TRMU: variants seen among roughly 807,000 people sequenced by gnomAD.
TRMU encodes the protein tRNA mitochondrial 2-thiouridylase.
Under a neutral mutation model 46.9 loss-of-function variants are expected in TRMU, and 49 were observed. The observed-to-expected ratio is 1.05, with a 90% CI of 0.83 to 1.33. The LOEUF (loss-of-function observed/expected upper bound fraction) is 1.33, where lower values mean the gene tolerates loss of function less well. Ranked by LOEUF, TRMU falls within the 40% of genes most tolerant of loss-of-function variation. TRMU has a pLI of 0.00. For missense variants in TRMU, 572 were observed against 532.4 expected (o/e 1.07, Z -0.73); for synonymous variants, 241 against 200.9 (o/e 1.20, Z -1.69).
chr22:46,352,464 C>G, intron 7 of TRMU, 134 bp downstream of exon 7: 2 of 1,081,100 alleles, frequency 1.8e-6, no homozygotes, highest in Middle Eastern at 2.5e-4. Flanking sequence ...GTGGGGCGGC[C>G]GGGGGCGGGC....
chr22:46,338,121 G>A lies in TRMU; in HGVS notation c.248+177G>A, dbSNP rs111840598. On this transcript the variant is annotated intron_variant, in intron 2 of 10. Coordinates refer to ENST00000645190, the MANE Select transcript of TRMU (RefSeq NM_018006.5). The surrounding 1 kb of genome is among the most constrained non-coding windows in gnomAD (Gnocchi z 4.5). ...CTCGGGGCTCTGTGTTAGAGGCGAG[G>A]CCTGGACCCCACAGCACACCCAGCT... The A allele has an allele frequency of 2.3e-5, 18 of 783,430 alleles. No homozygotes were observed. Among genetic ancestry groups the A allele is most frequent in the African/African-American group, 1.9e-4 (11 of 58,746 alleles). 48.5% of individuals were successfully genotyped at this position (783,430 alleles called of 1,614,324 possible).
chr22:46,343,220 A>C, intron 2 of TRMU, 42 bp from the exon 3 acceptor site: 10 of 1,347,802 alleles, frequency 7.4e-6, no homozygotes, highest in Non-Finnish European at 1.0e-5. Context: ...TTTTTGAGGA[A>C]TGTTTCACAC....
chr22:46,356,426 G>A, intron 10 of TRMU: 1 of 428,286 alleles, frequency 2.3e-6, no homozygotes, highest in Non-Finnish European at 4.3e-6. Flanking sequence ...GAGCTCCCAG[G>A]GTGGGCGCCT....
intron 1 of TRMU, 58 bp downstream of exon 1, chr22:46,335,904 C>G (rs1008443151): frequency 2.0e-6 from 3 of 1,527,050 alleles, no homozygotes; most frequent in African/African-American, 1.4e-5. Flanking sequence ...GAAACCTGTC[C>G]CCGTCCGTCG....
At position 46,349,531 on chromosome 22, in the gene TRMU, T is replaced by A. The variant is rs149549578; in HGVS notation, c.479-760T>A. Among the ~76,000 whole-genome samples the A allele has an allele frequency of 6.6e-6, 1 of 152,362 alleles. No individual in the cohort carries two copies. Among genetic ancestry groups the A allele is most frequent in the African/African-American group, 2.4e-5 (1 of 41,588 alleles). On this transcript the variant is annotated intron_variant, in intron 4 of 10. Transcript: ENST00000645190. The surrounding 1 kb of genome is among the most constrained non-coding windows in gnomAD (Gnocchi z 4.6). ...TGAGTGTAACTCGAAAGGAGAAGTTTATGAGAAAGATTGAAAGAAGCCAGA... is the reference window on the plus strand; with the variant it reads ...TGAGTGTAACTCGAAAGGAGAAGTTAATGAGAAAGATTGAAAGAAGCCAGA...
rs1413152638 is a variant in TRMU, at chr22:46,336,188, C to G, written c.82+342C>G. The G allele has an allele frequency of 8.6e-7, 1 of 1,166,666 alleles. No homozygotes were observed. The highest frequency in any genetic ancestry group is 1.1e-6 in the Non-Finnish European group (1 of 934,486). The allele number at this position is 1,166,666 out of a possible 1,614,324, so 72.3% of individuals were successfully genotyped here. A position where few individuals can be genotyped will look rare whatever the true frequency, so the allele number is the denominator to read the frequency against. On this transcript the variant is annotated intron_variant, in intron 1 of 10. Transcript: ENST00000645190. The surrounding 1 kb of genome is among the most constrained non-coding windows in gnomAD (Gnocchi z 4.1). ...CGGCGTCCACATTCACCTGTGAGAC[C>G]GTGGACACTGGTGAGGGGAGCTGGG...
At chr22:46,354,832 G>T (rs1489218326) in intron 8 of TRMU, 1 of 156,902 alleles carries the variant, frequency 6.4e-6, no homozygotes, top group Non-Finnish European at 1.4e-5. Flanking sequence ...CAGGGGCGGG[G>T]CTTGGCACAA....
intron 3 of TRMU, among the ~76,000 whole-genome samples, chr22:46,343,588 C>T (rs956729836): frequency 7.9e-5 from 12 of 152,122 alleles, no homozygotes; most frequent in African/African-American, 2.9e-4. Flanking sequence ...ATTGTCCAGG[C>T]TGGTCTCAGA....
chr22:46,350,415 G>T lies in TRMU; in HGVS notation c.603G>T (p.Lys201Asn). 6.2e-7 allele frequency: 1 copy of T among 1,614,128 alleles called. No individual in the cohort carries two copies. The highest frequency in any genetic ancestry group is 8.5e-7 in the Non-Finnish European group (1 of 1,180,042). Residue 201 changes from lysine to asparagine, a missense_variant, in exon 5 of 11, where the codon AAG becomes AAT. Lys to Asn is a moderately conservative substitution (Grantham distance 94). Coordinates refer to ENST00000645190, the MANE Select transcript of TRMU (RefSeq NM_018006.5). The surrounding 1 kb of genome is among the most constrained non-coding windows in gnomAD (Gnocchi z 4.6). The part of the protein sequence containing the change: ...PLGGLTKEFV[K>N]KIAAENRLHH... ...GGGGATTAACGAAAGAGTTTGTAAA[G>T]AAAATCGCTGCTGAGAATAGACTTC...
In TRMU at chr22:46,347,790, C is replaced by G. The variant is rs149017470; in HGVS notation, c.478+1246C>G. On this transcript the variant is annotated intron_variant, in intron 4 of 10. Coordinates refer to ENST00000645190, the MANE Select transcript of TRMU (RefSeq NM_018006.5). This position sits in a 1 kb window ranked among gnomAD's most constrained non-coding sequence, Gnocchi z 5.0. ...GCAGAGCTGGATTTCAGTGCACTTC[C>G]GCTCACTCCCCAGCCCCTGCTGCTT... Among the ~76,000 whole-genome samples the G allele has an allele frequency of 1.3e-5, 2 of 152,188 alleles. No individual in the cohort carries two copies. Among genetic ancestry groups the G allele is most frequent in the East Asian group, 3.9e-4 (2 of 5,192 alleles).
intron 3 of TRMU, among the ~76,000 whole-genome samples, chr22:46,345,710 C>T (rs140051): frequency 0.13 from 20,218 of 151,754 alleles, 2,134 homozygotes; most frequent in African/African-American, 0.3. Flanking sequence ...CCCATTGTTA[C>T]GGCAGTGCAT....
In TRMU at chr22:46,355,971, G is replaced by C. The variant is rs898683844; in HGVS notation, c.1019-19G>C. The stretch of plus-strand genomic sequence containing the variant: ...GGAAAGGCCTGTGCCCCCTCCAAGG[G>C]CCCCTCTCTTCTACCCAGTGCCCTG... On this transcript the variant is annotated intron_variant, in intron 9 of 10. Transcript: ENST00000645190. The C allele has an allele frequency of 6.2e-7, 1 of 1,613,642 alleles. No individual in the cohort carries two copies. The highest frequency in any genetic ancestry group is 1.3e-5 in the African/African-American group (1 of 74,920).
chr22:46,344,816 A>C lies in TRMU; in HGVS notation c.355+1448A>C, dbSNP rs531162196. On this transcript the variant is annotated intron_variant, in intron 3 of 10. Transcript: ENST00000645190. ...TTTCTAGTATAAGTGCTGTTCTTTGAGGACACAGATGTAAAGTGGATTGTT... is the reference window on the plus strand; with the variant it reads ...TTTCTAGTATAAGTGCTGTTCTTTGCGGACACAGATGTAAAGTGGATTGTT... Among the ~76,000 whole-genome samples, 9 of 152,340 alleles carry C rather than the reference A, an allele frequency of 5.9e-5. No homozygotes were observed. In the East Asian group the frequency reaches 1.7e-3, roughly 29 times the overall value.
rs2078439426 is a variant in TRMU, at chr22:46,351,946, C to T, written c.652-175C>T. Reference sequence around the variant, plus strand: ...GAGGCGTTCTCTAAGGCTCTGGCATCGTGTGCGCCGGCTGTGACTGGCGGC... The same window carrying T: ...GAGGCGTTCTCTAAGGCTCTGGCATTGTGTGCGCCGGCTGTGACTGGCGGC... On this transcript the variant is annotated intron_variant, in intron 5 of 10. Transcript: ENST00000645190. The surrounding 1 kb of genome is among the most constrained non-coding windows in gnomAD (Gnocchi z 6.4). The T allele has an allele frequency of 1.2e-5, 9 of 766,492 alleles. No individual in the cohort carries two copies. The East Asian group carries it at 1.2e-4, about 10-fold the overall frequency. 47.5% of individuals were successfully genotyped at this position (766,492 alleles called of 1,614,324 possible).
In TRMU at chr22:46,336,156, G is replaced by A; in HGVS notation, c.82+310G>A. Reference sequence around the variant, plus strand: ...GGGTGGGGAGGGAAGGGTTTCTCACGGATCTGCGGCGTCCACATTCACCTG... The same window carrying A: ...GGGTGGGGAGGGAAGGGTTTCTCACAGATCTGCGGCGTCCACATTCACCTG... On this transcript the variant is annotated intron_variant, in intron 1 of 10. Transcript: ENST00000645190. The surrounding 1 kb of genome is among the most constrained non-coding windows in gnomAD (Gnocchi z 4.1). 7.8e-7 allele frequency: 1 copy of A among 1,276,584 alleles called. No individual in the cohort carries two copies. Among genetic ancestry groups the A allele is most frequent in the Non-Finnish European group, 9.9e-7 (1 of 1,005,942 alleles). The allele number at this position is 1,276,584 out of a possible 1,614,324, so 79.1% of individuals were successfully genotyped here. A position where few individuals can be genotyped will look rare whatever the true frequency, so the allele number is the denominator to read the frequency against.
chr22:46,343,950 A>G (rs552495491), intron 3 of TRMU, among the ~76,000 whole-genome samples: 7 of 152,274 alleles, frequency 4.6e-5, no homozygotes, highest in Middle Eastern at 3.4e-3. Context: ...TGCAGATTCA[A>G]TATGTCAGCA....
chr22:46,352,788 CT>C (rs952512627), intron 7 of TRMU: 75 of 299,240 alleles, frequency 2.5e-4, no homozygotes, highest in African/African-American at 1.6e-3. Flanking sequence ...TGTGCAGACC[CT>C]TACTGCGGTG....
intron 7 of TRMU, chr22:46,352,729 T>A: frequency 2.9e-6 from 1 of 349,532 alleles, no homozygotes; most frequent in Middle Eastern, 1.0e-3. Context: ...AAGGACCACA[T>A]GCAGCGATGG....
intron 10 of TRMU, 112 bp downstream of exon 10, chr22:46,356,184 T>A: frequency 8.3e-7 from 1 of 1,203,828 alleles, no homozygotes; most frequent in Non-Finnish European, 1.2e-6. Flanking sequence ...TGTGCTCGGG[T>A]CACACAGCTG....
Sources: allele counts gnomAD v4.1 joint callset (sites outside exome capture counted in the v4.1 genomes callset), GRCh38; gene constraint gnomAD v4.1.1; non-coding constraint Gnocchi (gnomAD v3.1); transcripts MANE v1.5; gene names NCBI Gene and HGNC (gene_info 2026-07-23, HGNC 2026-07-21).